The following SEPTIN6 variants were observed in gnomAD, a reference collection of about 807,000 sequenced individuals.
SEPTIN6 encodes the protein septin 6, also known as septin-6.
SEPTIN6 carries 8 observed loss-of-function variants against 33.6 expected under a neutral mutation model. The observed-to-expected ratio is 0.24, with a 90% CI of 0.14 to 0.43. The LOEUF is 0.43. Ranked by LOEUF, SEPTIN6 falls within the 20% of genes least tolerant of loss-of-function variation. SEPTIN6 has a pLI of 1.00. For synonymous variants in SEPTIN6, 131 were observed against 140.0 expected (o/e 0.94, Z 0.45); for missense variants, 250 against 340.8 (o/e 0.73, Z 2.10).
At chrX:119,636,966 C>T (rs926947993) in intron 7 of SEPTIN6, 61 bp downstream of exon 7, 14 of 1,151,245 alleles carry the variant, frequency 1.2e-5, no homozygotes, top group East Asian at 9.0e-5. Flanking sequence ...AAGGCTTCCA[C>T]ACCACCTGAG....
intron 5 of SEPTIN6, among the ~76,000 whole-genome samples, chrX:119,647,189 C>T (rs1413323142): frequency 9.1e-6 from 1 of 109,785 alleles, no homozygotes; most frequent in Non-Finnish European, 1.9e-5. Flanking sequence ...AAATTGATTG[C>T]ATCACTGTAC....
chrX:119,627,011 A>G (rs1419727969), intron 9 of SEPTIN6, among the ~76,000 whole-genome samples: 1 of 112,345 alleles, frequency 8.9e-6, no homozygotes, highest in Non-Finnish European at 1.9e-5. Context: ...ACACATTTGC[A>G]TAAAGAGTAA....
At chrX:119,628,516 T>G (rs1295552953) in intron 9 of SEPTIN6, among the ~76,000 whole-genome samples, 1 of 104,320 alleles carries the variant, frequency 9.6e-6, no homozygotes, top group African/African-American at 3.5e-5. Context: ...TTTTTTTTTT[T>G]TTTTTTTGAG....
intron 3 of SEPTIN6, among the ~76,000 whole-genome samples, chrX:119,657,616 G>A (rs187962614): frequency 1.2e-4 from 13 of 111,389 alleles, no homozygotes; most frequent in African/African-American, 1.6e-4. Flanking sequence ...GAGCTCAAGC[G>A]ATTCTCCTGC....
intron 1 of SEPTIN6, among the ~76,000 whole-genome samples, chrX:119,683,870 T>C (rs2055005176): frequency 9.0e-6 from 1 of 111,238 alleles, no homozygotes; most frequent in African/African-American, 3.3e-5. Flanking sequence ...TTCAGGCAGT[T>C]TTATTGTATA....
chrX:119,671,476 G>C (rs1372058095), intron 2 of SEPTIN6, among the ~76,000 whole-genome samples: 1 of 109,479 alleles, frequency 9.1e-6, no homozygotes, highest in East Asian at 2.9e-4. Context: ...TTTTAGTAGA[G>C]ACGGGGTTTC....
Position 119,650,003 on chromosome X carries a change from G to C in SEPTIN6, c.624C>G (p.Asn208Lys). ...TAGGAAACTGATAGATCTGGACTCC[G>C]TTGCTGACAAGCTCGCTGGTGATTT... ...KIKITSELVSNGVQIYQFPTD... is the reference protein window; with the variant it reads ...KIKITSELVSKGVQIYQFPTD... The change falls in exon 5 of 11, where the codon AAC (asparagine) becomes AAG (lysine). Residue 208 changes from asparagine to lysine, a missense_variant. This residue lies in a region of SEPTIN6 where 139 missense variants were observed against 227.0 expected (regional missense o/e 0.61). Transcript: ENST00000394610. The C allele has an allele frequency of 2.5e-6, 3 of 1,211,320 alleles. No individual in the cohort carries two copies. Among genetic ancestry groups the C allele is most frequent in the Non-Finnish European group, 3.4e-6 (3 of 894,813 alleles).
intron 7 of SEPTIN6, among the ~76,000 whole-genome samples, chrX:119,636,215 G>T (rs757560635): frequency 9.0e-6 from 1 of 111,585 alleles, no homozygotes; most frequent in Non-Finnish European, 1.9e-5. Context: ...AGATCTCAGA[G>T]GCTCTTTGAA....
chrX:119,646,098 G>C (rs943985093), intron 5 of SEPTIN6, among the ~76,000 whole-genome samples: 2 of 111,685 alleles, frequency 1.8e-5, no homozygotes, highest in Non-Finnish European at 3.8e-5. Context: ...ATTGGGCTTG[G>C]TTTCCTCCCA....
chrX:119,654,283 TCC>T lies in SEPTIN6; in HGVS notation c.342-1245_342-1244del, dbSNP rs758517721. 2.7e-5 allele frequency among the ~76,000 whole-genome samples: 3 copies of T among 110,574 alleles called. No individual in the cohort carries two copies. The South Asian group carries it at 1.2e-3, about 43-fold the overall frequency. ...TGGGCCTCCCTGGGAAACTTCCCTCTCCCTCTGTCCCAGTCCCCTCCCACGTC... is the reference window on the plus strand; with the variant it reads ...TGGGCCTCCCTGGGAAACTTCCCTCTCTCTGTCCCAGTCCCCTCCCACGTC... On this transcript the variant is annotated intron_variant, in intron 3 of 10. Coordinates refer to ENST00000394610, the MANE Select transcript of SEPTIN6 (RefSeq NM_145799.4).
chrX:119,688,232 G>A (rs182517761), intron 1 of SEPTIN6, among the ~76,000 whole-genome samples: 81 of 111,783 alleles, frequency 7.2e-4, no homozygotes, highest in African/African-American at 2.6e-3. Context: ...GTCACCCTCT[G>A]CCTCCATTCA....
At chrX:119,616,811 CAG>C (rs1161105923), downstream of SEPTIN6, 12 of 1,090,654 alleles carry the variant, frequency 1.1e-5, no homozygotes, top group African/African-American at 7.4e-5. Context: ...CAAAGTAAGA[CAG>C]GGGGAGGGGA....
At chrX:119,690,995 C>T (rs1430304232) in intron 1 of SEPTIN6, among the ~76,000 whole-genome samples, 2 of 110,936 alleles carry the variant, frequency 1.8e-5, no homozygotes, top group Non-Finnish European at 3.8e-5. Context: ...TTCCCAGAAA[C>T]CCATTTATCA....
Position 119,619,761 on chromosome X carries a change from C to T in SEPTIN6, c.*332G>A. The T allele has an allele frequency of 9.9e-7, 1 of 1,008,908 alleles. No individual in the cohort carries two copies. 83.1% of individuals were successfully genotyped at this position (1,008,908 alleles called of 1,213,427 possible). ...GTGGGAAAGAGTAGCAGATGGGCCC[C>T]CTGACCATGTCACACCTCTGGCAAA... On this transcript the variant is annotated 3_prime_UTR_variant, in exon 11 of 11. Coordinates refer to ENST00000394610, the MANE Select transcript of SEPTIN6 (RefSeq NM_145799.4).
chrX:119,692,665 C>T (rs2055195872), intron 1 of SEPTIN6, among the ~76,000 whole-genome samples: 1 of 112,813 alleles, frequency 8.9e-6, no homozygotes, highest in Non-Finnish European at 1.9e-5. Flanking sequence ...TGTGCGGTCC[C>T]GGGTCACAAC....
Position 119,619,065 on chromosome X carries a change from G to T in SEPTIN6, c.*1028C>A. ...CGGCCGAGTCTCATCTCTTCTTATT[G>T]GGGGATGCATGCAAAATGCATGTTA... On this transcript the variant is annotated 3_prime_UTR_variant, in exon 11 of 11. Transcript: ENST00000394610. The T allele has an allele frequency of 3.2e-6, 3 of 925,269 alleles. No homozygotes were observed. The highest frequency in any genetic ancestry group is 4.0e-6 in the Non-Finnish European group (3 of 747,145). The allele number at this position is 925,269 out of a possible 1,213,427, so 76.3% of individuals were successfully genotyped here.
rs774810153 is a variant in SEPTIN6, at chrX:119,688,639, G to A, written c.30+4437C>T. Among the ~76,000 whole-genome samples the A allele has an allele frequency of 3.7e-5, 4 of 107,589 alleles. No homozygotes were observed. In the East Asian group the frequency reaches 8.6e-4, roughly 23 times the overall value. 93.4% of individuals were successfully genotyped at this position (107,589 alleles called of 115,157 possible). On this transcript the variant is annotated intron_variant, in intron 1 of 10. Transcript: ENST00000394610. Reference sequence around the variant, plus strand: ...GGATAATTTCTTGAACCCAGGAGGCGGAGGTTGCAGTGAGCTGAGATCGCG... The same window carrying A: ...GGATAATTTCTTGAACCCAGGAGGCAGAGGTTGCAGTGAGCTGAGATCGCG...
At chrX:119,666,688 A>G (rs778876022) in intron 2 of SEPTIN6, among the ~76,000 whole-genome samples, 1 of 111,769 alleles carries the variant, frequency 8.9e-6, no homozygotes, top group South Asian at 3.7e-4. Context: ...CACACAGATC[A>G]TGTTTCAAGC....
In SEPTIN6 at chrX:119,663,668, C is replaced by T. The variant is rs1270005006; in HGVS notation, c.155G>A (p.Gly52Asp). 8.3e-7 allele frequency: 1 copy of T among 1,201,521 alleles called. No homozygotes were observed. Among genetic ancestry groups the T allele is most frequent in the Non-Finnish European group, 1.1e-6 (1 of 889,001 alleles). The change falls in exon 3 of 11, where the codon GGT becomes GAT. Residue 52 changes from glycine (G) to aspartate (D), a missense_variant. Gly to Asp is a moderately conservative substitution (Grantham distance 94). Transcript: ENST00000394610. Reference sequence around the variant, plus strand: ...GTCCATGAGGGTGGACTTGCCCAAACCTGTCTCTCCTGAAAAGCAAAAGGA... The same window carrying T: ...GTCCATGAGGGTGGACTTGCCCAAATCTGTCTCTCCTGAAAAGCAAAAGGA... ...CFNILCVGET[G>D]LGKSTLMDTL...
Sources: allele counts gnomAD v4.1 joint callset (sites outside exome capture counted in the v4.1 genomes callset), GRCh38; gene constraint gnomAD v4.1.1; regional missense constraint gnomAD v4.1.1; transcripts MANE v1.5; gene names NCBI Gene and HGNC (gene_info 2026-07-23, HGNC 2026-07-21).